The following LNPEP variants were observed in gnomAD, a reference collection of about 807,000 sequenced individuals.
The protein encoded by LNPEP is leucyl-cystinyl aminopeptidase.
A neutral mutation model predicts 120.6 loss-of-function variants in LNPEP; 64 were observed. The observed-to-expected ratio is 0.53, with a 90% CI of 0.43 to 0.65. The LOEUF is 0.65. LNPEP is among the 30% of genes least tolerant of loss of function. LNPEP has a pLI of 0.00. For synonymous variants in LNPEP, 435 were observed against 425.4 expected (o/e 1.02, Z -0.28); for missense variants, 1,057 against 1,200.0 (o/e 0.88, Z 1.76).
intron 4 of LNPEP, among the ~76,000 whole-genome samples, chr5:96,990,865 A>T (rs1277126448): frequency 6.6e-6 from 1 of 152,218 alleles, no homozygotes; most frequent in African/African-American, 2.4e-5. Context: ...ACATAAAGAC[A>T]ATATGGTTGA....
chr5:97,004,823 G>A (rs1790740448), intron 9 of LNPEP, among the ~76,000 whole-genome samples: 1 of 151,910 alleles, frequency 6.6e-6, no homozygotes. Context: ...TTTTTCCTCT[G>A]ATCATATAGT....
chr5:96,974,111 T>C, intron 1 of LNPEP, among the ~76,000 whole-genome samples: 1 of 152,154 alleles, frequency 6.6e-6, no homozygotes, highest in East Asian at 1.9e-4. Context: ...GCTGAAGATG[T>C]TTTTTAGAGA....
At chr5:96,944,559 G>GTTTTTTTTTT (rs1491162241) in intron 1 of LNPEP, among the ~76,000 whole-genome samples, 1 of 76,786 alleles carries the variant, frequency 1.3e-5, no homozygotes, top group Non-Finnish European at 2.8e-5. Context: ...TCTTATTTTT[G>GTTTTTTTTTT]CTTTTTTTTT....
intron 13 of LNPEP, among the ~76,000 whole-genome samples, chr5:97,020,507 GA>G (rs1157326881): frequency 6.6e-6 from 1 of 151,824 alleles, no homozygotes; most frequent in Non-Finnish European, 1.5e-5. Flanking sequence ...GTTTTCTAAA[GA>G]ATACCTAAAA....
intron 1 of LNPEP, among the ~76,000 whole-genome samples, chr5:96,978,882 T>A (rs1233531439): frequency 1.3e-5 from 2 of 152,236 alleles, no homozygotes; most frequent in Non-Finnish European, 1.5e-5. Context: ...GCTAACTTTT[T>A]AAAAATATAA....
chr5:97,022,417 C>T lies in LNPEP; in HGVS notation c.2494C>T (p.Leu832=). ...GCTAGAGTTTGCTTGCACCCACAACCTGGGGAACTGCTCTACTACTGCCAT... is the reference window on the plus strand; with the variant it reads ...GCTAGAGTTTGCTTGCACCCACAACTTGGGGAACTGCTCTACTACTGCCAT... ...ALLEFACTHN[L]GNCSTTAMKL... The change falls in exon 14 of 18, where the codon CTG becomes TTG. Residue 832 remains leucine, a synonymous_variant. Transcript: ENST00000231368. The T allele has an allele frequency of 6.2e-7, 1 of 1,614,092 alleles. No individual in the cohort carries two copies. The highest frequency in any genetic ancestry group is 1.3e-5 in the African/African-American group (1 of 75,030).
rs199799148 is a variant in LNPEP at position 96,993,969 on chromosome 5, C to A, written c.1405C>A (p.Gln469Lys). 6 of 1,613,488 alleles carry A rather than the reference C, an allele frequency of 3.7e-6. No individual in the cohort carries two copies. Among genetic ancestry groups the A allele is most frequent in the Non-Finnish European group, 4.2e-6 (5 of 1,179,556 alleles). Reference sequence around the variant, plus strand: ...AATCATTGCTCATGAGCTGGCCCACCAGGTATTAGCAACCAAGGCTGTTCT... The same window carrying A: ...AATCATTGCTCATGAGCTGGCCCACAAGGTATTAGCAACCAAGGCTGTTCT... Reference protein sequence around the residue: ...TKIIAHELAHQWFGNLVTMKW... With the variant: ...TKIIAHELAHKWFGNLVTMKW... Residue 469 changes from glutamine (Q) to lysine (K), a missense_variant and splice_region_variant, in exon 6 of 18, where the codon CAG becomes AAG. Transcript: ENST00000231368.
At chr5:96,967,699 T>A (rs1789763093) in intron 1 of LNPEP, among the ~76,000 whole-genome samples, 1 of 152,072 alleles carries the variant, frequency 6.6e-6, no homozygotes, top group African/African-American at 2.4e-5. Context: ...TTTTATCTTA[T>A]TCCAAGCCTC....
At chr5:96,978,995 C>A in intron 1 of LNPEP, 143 bp from the exon 2 acceptor site, 1 of 820,684 alleles carries the variant, frequency 1.2e-6, no homozygotes, top group Non-Finnish European at 1.8e-6. Context: ...TTATTTAATT[C>A]AGTAGCTCTG....
intron 4 of LNPEP, among the ~76,000 whole-genome samples, chr5:96,989,357 AT>A (rs1176244638): frequency 8.0e-5 from 2 of 24,898 alleles, no homozygotes; most frequent in African/African-American, 3.1e-4. Context: ...TATATTATAT[AT>A]TATATATAAT....
At chr5:97,018,990 A>T (rs987087344) in intron 13 of LNPEP, among the ~76,000 whole-genome samples, 2 of 152,190 alleles carry the variant, frequency 1.3e-5, no homozygotes, top group African/African-American at 4.8e-5. Flanking sequence ...CATTGGTGGG[A>T]TAAACCTTTT....
At position 96,985,121 on chromosome 5, in the gene LNPEP, C is replaced by G. The variant is rs1255978481; in HGVS notation, c.902C>G (p.Ser301Cys). 1.2e-6 allele frequency: 2 copies of G among 1,613,994 alleles called. No individual in the cohort carries two copies. Among genetic ancestry groups the G allele is most frequent in the Non-Finnish European group, 8.5e-7 (1 of 1,179,902 alleles). The change falls in exon 3 of 18, where the codon TCT becomes TGT. Residue 301 changes from serine (S) to cysteine (C), a missense_variant. Ser to Cys is a moderately radical substitution (Grantham distance 112, BLOSUM62 -1). Coordinates refer to ENST00000231368, the MANE Select transcript of LNPEP (RefSeq NM_005575.3). ...CAGTTTGAACCCCTGGCAGCAAGAT[C>G]TGCTTTTCCTTGTTTTGATGAACCA... The part of the protein sequence containing the change: ...ATQFEPLAAR[S>C]AFPCFDEPAF...
At chr5:96,979,051 TGTG>T (rs570063353) in intron 1 of LNPEP, 84 bp from the exon 2 acceptor site, 53 of 1,441,110 alleles carry the variant, frequency 3.7e-5, no homozygotes, top group Non-Finnish European at 4.7e-5. Flanking sequence ...TTAGTTTAAA[TGTG>T]GTCTAGGTAG....
At chr5:96,994,116 C>T in intron 6 of LNPEP, 145 bp downstream of exon 6, 1 of 677,030 alleles carries the variant, frequency 1.5e-6, no homozygotes, top group East Asian at 2.8e-5. Flanking sequence ...TAAACACAAA[C>T]TTCATTTTCA....
chr5:96,984,621 A>G (rs1016202306), intron 2 of LNPEP, among the ~76,000 whole-genome samples: 3 of 152,158 alleles, frequency 2.0e-5, no homozygotes, highest in Non-Finnish European at 2.9e-5. Flanking sequence ...CTTTTGTTAA[A>G]TTCCAGCCTT....
Position 97,035,464 on chromosome 5 carries a change from CTT to C in LNPEP, c.*6933_*6934del, listed in dbSNP as rs1791556316. 1 of 152,048 alleles carries C rather than the reference CTT, an allele frequency of 6.6e-6. No homozygotes were observed. Among genetic ancestry groups the C allele is most frequent in the Non-Finnish European group, 1.5e-5 (1 of 67,986 alleles). The allele number at this position is 152,048 out of a possible 1,614,324, so 9.4% of individuals were successfully genotyped here. On this transcript the variant is annotated 3_prime_UTR_variant, in exon 18 of 18. Transcript: ENST00000231368. ...GAATATTCTTAATATGTTTTCATAT[CTT>C]TATTTCATTTTGTAGTCTTTTGCAT...
At position 96,979,891 on chromosome 5, in the gene LNPEP, C is replaced by A. The variant is rs1488540428; in HGVS notation, c.773C>A (p.Thr258Lys). 2 of 1,613,816 alleles carry A rather than the reference C, an allele frequency of 1.2e-6. No individual in the cohort carries two copies. Among genetic ancestry groups the A allele is most frequent in the Admixed American group, 3.3e-5 (2 of 59,980 alleles). ...PEALLAGHNY[T>K]LKIEYSANIS... ...GCCCTTCTAGCAGGGCACAATTATACGTTGAAGATAGAGTACTCGGCAAAT... is the reference window on the plus strand; with the variant it reads ...GCCCTTCTAGCAGGGCACAATTATAAGTTGAAGATAGAGTACTCGGCAAAT... Residue 258 changes from threonine to lysine, a missense_variant, in exon 2 of 18, where the codon ACG (threonine) becomes AAG (lysine). Coordinates refer to ENST00000231368, the MANE Select transcript of LNPEP (RefSeq NM_005575.3).
chr5:97,023,633 A>G (rs541779105), intron 14 of LNPEP, among the ~76,000 whole-genome samples: 3 of 152,158 alleles, frequency 2.0e-5, no homozygotes, highest in African/African-American at 7.2e-5. Flanking sequence ...TCATTCCTGG[A>G]TAGACCTTTG....
chr5:96,950,228 C>T (rs1332028196), intron 1 of LNPEP, among the ~76,000 whole-genome samples: 1 of 152,146 alleles, frequency 6.6e-6, no homozygotes, highest in African/African-American at 2.4e-5. Flanking sequence ...AGTGAACCAA[C>T]ATTTACCTCC....
Sources: allele counts gnomAD v4.1 joint callset (sites outside exome capture counted in the v4.1 genomes callset), GRCh38; gene constraint gnomAD v4.1.1; transcripts MANE v1.5; gene names NCBI Gene and HGNC (gene_info 2026-07-23, HGNC 2026-07-21).